TNFSF4: variants seen among roughly 807,000 people sequenced by gnomAD.
The protein encoded by TNFSF4 is tumor necrosis factor ligand superfamily member 4.
TNFSF4 carries 4 observed loss-of-function variants against 7.3 expected under a neutral mutation model. The ratio of observed to expected loss-of-function variants is 0.55; its 90% confidence interval spans 0.27 to 1.25. TNFSF4 has a LOEUF of 1.25. TNFSF4 is among the 50% of genes most tolerant of loss of function. The pLI is 0.12. For missense variants in TNFSF4, 181 were observed against 208.8 expected (o/e 0.87, Z 0.82); for synonymous variants, 76 against 83.7 (o/e 0.91, Z 0.50).
chr1:173,307,120 T>A, the TNFSF4 span, among the ~76,000 whole-genome samples: 1 of 151,904 alleles, frequency 6.6e-6, no homozygotes, highest in South Asian at 2.1e-4. Flanking sequence ...AAATACTTTA[T>A]AAAATGCTTT....
chr1:173,238,275 C>T, the TNFSF4 span, among the ~76,000 whole-genome samples: 1 of 152,054 alleles, frequency 6.6e-6, no homozygotes, highest in Non-Finnish European at 1.5e-5. Context: ...GACCTAAATG[C>T]AAAACTTAAA....
chr1:173,187,276 A>G (rs951505098), intron 2 of TNFSF4, among the ~76,000 whole-genome samples: 1 of 152,198 alleles, frequency 6.6e-6, no homozygotes, highest in African/African-American at 2.4e-5. Flanking sequence ...ATTTTTCAGA[A>G]CAAGGATGGA....
chr1:173,448,866 A>G, the TNFSF4 span, among the ~76,000 whole-genome samples: 1 of 152,206 alleles, frequency 6.6e-6, no homozygotes. Flanking sequence ...AGGCCTGACA[A>G]TCTTCTTGAA....
At chr1:173,389,578 C>T in the TNFSF4 span, among the ~76,000 whole-genome samples, 7 of 152,140 alleles carry the variant, frequency 4.6e-5, no homozygotes, top group Middle Eastern at 3.4e-3. Context: ...TAATATAGCA[C>T]GGATCAGAAC....
the TNFSF4 span, among the ~76,000 whole-genome samples, chr1:173,375,719 G>A: frequency 6.6e-6 from 1 of 152,136 alleles, no homozygotes; most frequent in Non-Finnish European, 1.5e-5. Context: ...CACTCTGATA[G>A]GACAAAAATA....
At chr1:173,262,508 G>A in the TNFSF4 span, among the ~76,000 whole-genome samples, 3 of 151,858 alleles carry the variant, frequency 2.0e-5, no homozygotes, top group East Asian at 5.8e-4. Flanking sequence ...AAGAAATAAA[G>A]GTAGTCAAAT....
the TNFSF4 span, among the ~76,000 whole-genome samples, chr1:173,288,767 T>G: frequency 6.6e-6 from 1 of 152,048 alleles, no homozygotes; most frequent in African/African-American, 2.4e-5. Flanking sequence ...AAAATCATAA[T>G]AGAAATTTCA....
At chr1:173,191,968 G>A (rs2101986784) in intron 1 of TNFSF4, among the ~76,000 whole-genome samples, 1 of 152,326 alleles carries the variant, frequency 6.6e-6, no homozygotes, top group Middle Eastern at 3.4e-3. Context: ...CATGAGATCA[G>A]GAGTTTGAGA....
At chr1:173,210,030 T>G (rs1029290478), upstream of TNFSF4, among the ~76,000 whole-genome samples, 1 of 151,938 alleles carries the variant, frequency 6.6e-6, no homozygotes, top group African/African-American at 2.4e-5. Flanking sequence ...AAAAAACATT[T>G]GGGTTTTTTT....
intron 1 of TNFSF4, among the ~76,000 whole-genome samples, chr1:173,200,405 T>A (rs1446837283): frequency 6.6e-6 from 1 of 152,138 alleles, no homozygotes; most frequent in African/African-American, 2.4e-5. Context: ...AGTAGTACAT[T>A]GAATAATACC....
At chr1:173,298,776 A>T in the TNFSF4 span, among the ~76,000 whole-genome samples, 2 of 151,970 alleles carry the variant, frequency 1.3e-5, no homozygotes, top group African/African-American at 4.8e-5. Flanking sequence ...ACTAATTTAC[A>T]GATGAGGAAG....
chr1:173,276,823 C>T, the TNFSF4 span, among the ~76,000 whole-genome samples: 1 of 152,174 alleles, frequency 6.6e-6, no homozygotes, highest in East Asian at 1.9e-4. Context: ...ACCCAAGAAC[C>T]AGGCTCTTCA....
At chr1:173,206,747 G>A (rs963787644) in intron 1 of TNFSF4, among the ~76,000 whole-genome samples, 6 of 152,118 alleles carry the variant, frequency 3.9e-5, no homozygotes, top group African/African-American at 1.4e-4. Context: ...AGCTTATAAA[G>A]GGATACAAGG....
chr1:173,436,512 C>CA, the TNFSF4 span, among the ~76,000 whole-genome samples: 1 of 152,168 alleles, frequency 6.6e-6, no homozygotes, highest in Non-Finnish European at 1.5e-5. Context: ...CGGGTTCAAG[C>CA]AACTCTCCTG....
the TNFSF4 span, among the ~76,000 whole-genome samples, chr1:173,334,436 T>TA: frequency 6.6e-6 from 1 of 152,252 alleles, no homozygotes; most frequent in Non-Finnish European, 1.5e-5. Context: ...GTTCTCTGCT[T>TA]AAACTGTGCA....
chr1:173,261,226 C>T, the TNFSF4 span, among the ~76,000 whole-genome samples: 1 of 152,302 alleles, frequency 6.6e-6, no homozygotes, highest in South Asian at 2.1e-4. Flanking sequence ...TCCTGAATGA[C>T]TCCTGGGTAA....
chr1:173,412,239 A>G, the TNFSF4 span, among the ~76,000 whole-genome samples: 1 of 152,204 alleles, frequency 6.6e-6, no homozygotes, highest in Admixed American at 6.5e-5. Context: ...CAGTGCCTGC[A>G]AAGCTCAGAC....
At chr1:173,353,335 G>C in the TNFSF4 span, among the ~76,000 whole-genome samples, 1 of 152,178 alleles carries the variant, frequency 6.6e-6, no homozygotes, top group Non-Finnish European at 1.5e-5. Flanking sequence ...TACTAATTTG[G>C]AGAACTAACA....
At chr1:173,410,750 T>C in the TNFSF4 span, among the ~76,000 whole-genome samples, 24 of 152,326 alleles carry the variant, frequency 1.6e-4, no homozygotes, top group South Asian at 3.1e-3. Context: ...TATCATCCAA[T>C]GTCCATCATT....
Sources: gnomAD v4.1 joint callset for allele counts (sites outside exome capture counted in the v4.1 genomes callset) on GRCh38, gnomAD v4.1.1 for gene constraint, MANE v1.5 for transcripts, NCBI Gene and HGNC (gene_info 2026-07-23, HGNC 2026-07-21) for gene names.